Variants in LARP1B observed in about 807,000 individuals in gnomAD.
LARP1B encodes La ribonucleoprotein 1B.
Under a neutral mutation model 114.2 loss-of-function variants are expected in LARP1B, and 76 were observed. The observed-to-expected ratio is 0.67, with a 90% CI of 0.55 to 0.81. LARP1B has a LOEUF of 0.81. LARP1B is among the 30% of genes least tolerant of loss of function. The probability of loss-of-function intolerance (pLI) is 0.00; values close to 1 mark genes in which losing one functional copy is unlikely to be tolerated. For missense variants in LARP1B, 1,014 were observed against 1,075.8 expected (o/e 0.94, Z 0.80); for synonymous variants, 345 against 348.0 (o/e 0.99, Z 0.10).
chr4:128,113,781 C>CTTTTT (rs1156610852), intron 9 of LARP1B, among the ~76,000 whole-genome samples: 8 of 114,222 alleles, frequency 7.0e-5, no homozygotes, highest in East Asian at 2.6e-4. Flanking sequence ...GACATTTACT[C>CTTTTT]TTTTTTTTTT....
At chr4:128,071,870 C>G (rs1431969079) in intron 1 of LARP1B, among the ~76,000 whole-genome samples, 2 of 152,132 alleles carry the variant, frequency 1.3e-5, no homozygotes, top group East Asian at 3.8e-4. Context: ...GTGAAATAGG[C>G]TCTGCTGTGT....
At chr4:128,129,591 T>G (rs961282224) in intron 11 of LARP1B, among the ~76,000 whole-genome samples, 2 of 151,986 alleles carry the variant, frequency 1.3e-5, no homozygotes, top group African/African-American at 4.8e-5. Flanking sequence ...AATACAACAT[T>G]GAAAATTGGA....
intron 9 of LARP1B, among the ~76,000 whole-genome samples, chr4:128,112,263 T>A (rs866394410): frequency 5.9e-5 from 9 of 151,934 alleles, no homozygotes; most frequent in African/African-American, 2.2e-4. Context: ...AATTTTAATA[T>A]TTTAAATAGA....
intron 12 of LARP1B, among the ~76,000 whole-genome samples, chr4:128,174,738 G>A (rs189994111): frequency 3.9e-5 from 6 of 151,992 alleles, no homozygotes; most frequent in Non-Finnish European, 7.4e-5. Flanking sequence ...TATTCCTGGT[G>A]TTCTATATTG....
intron 11 of LARP1B, chr4:128,155,412 C>A: frequency 3.1e-6 from 2 of 640,892 alleles, no homozygotes; most frequent in Non-Finnish European, 5.6e-6. Flanking sequence ...TCAGGGAACC[C>A]GGCCCGAGCT....
In LARP1B at chr4:128,156,294, A is replaced by G. The variant is rs1047792982; in HGVS notation, c.1525-5900A>G. On this transcript the variant is annotated intron_variant, in intron 11 of 19. Coordinates refer to ENST00000326639, the MANE Select transcript of LARP1B (RefSeq NM_018078.4). ...GTCCAGCTGGCCTGGACAGTATCCC[A>G]TACCCAACTCCAGCAGCTGCTTCTC... 14 of 772,756 alleles carry G rather than the reference A, an allele frequency of 1.8e-5. No homozygotes were observed. The African/African-American group carries it at 2.4e-4, about 13-fold the overall frequency. The allele number at this position is 772,756 out of a possible 1,614,324, so 47.9% of individuals were successfully genotyped here. A position where few individuals can be genotyped will look rare whatever the true frequency, so the allele number is the denominator to read the frequency against.
rs1365285041 is a variant in LARP1B, at chr4:128,098,203, T to C, written c.686T>C (p.Val229Ala). The part of the protein sequence containing the change: ...IKRQIEYYFS[V>A]ENLERDFFLR... ...CTTTTCAGTGAATATTACTTCAGTG[T>C]AGAAAATTTGGAACGAGACTTCTTT... The change falls in exon 8 of 20, where the codon GTA becomes GCA. Residue 229 changes from valine to alanine, a missense_variant. Coordinates refer to ENST00000326639, the MANE Select transcript of LARP1B (RefSeq NM_018078.4). 1.2e-6 allele frequency: 2 copies of C among 1,610,468 alleles called. No homozygotes were observed. Among genetic ancestry groups the C allele is most frequent in the Admixed American group, 3.3e-5 (2 of 60,008 alleles).
chr4:128,217,900 G>A (rs1220061188), intron 6 of LARP1B, among the ~76,000 whole-genome samples: 7 of 144,486 alleles, frequency 4.8e-5, no homozygotes, highest in East Asian at 4.2e-4. Context: ...AAACCCCATC[G>A]TCTCAGCCCA....
In LARP1B at chr4:128,067,835, G is replaced by A. The variant is rs145348037; in HGVS notation, c.-78+6434G>A. 9.2e-4 allele frequency among the ~76,000 whole-genome samples: 139 copies of A among 151,830 alleles called. 3 individuals carry two copies. The highest frequency in any genetic ancestry group is 3.1e-3 in the African/African-American group (127 of 41,422). On this transcript the variant is annotated intron_variant, in intron 1 of 19. Coordinates refer to ENST00000326639, the MANE Select transcript of LARP1B (RefSeq NM_018078.4). ...AGCGATTCTTCTGCTTCAGCCTTCC[G>A]AGTAGCTAGGATTACAGGCGCTCGC...
At chr4:128,075,251 A>G (rs2149393338) in intron 3 of LARP1B, among the ~76,000 whole-genome samples, 1 of 151,874 alleles carries the variant, frequency 6.6e-6, no homozygotes. Flanking sequence ...ACAGGCACGC[A>G]CCACTGTGCA....
chr4:128,174,135 T>A (rs1744955151), intron 12 of LARP1B, among the ~76,000 whole-genome samples: 2 of 152,186 alleles, frequency 1.3e-5, no homozygotes. Context: ...ATGAGCATAC[T>A]ACATTTTTTT....
At chr4:128,115,400 A>G (rs1785458455) in intron 10 of LARP1B, among the ~76,000 whole-genome samples, 1 of 152,074 alleles carries the variant, frequency 6.6e-6, no homozygotes, top group Admixed American at 6.6e-5. Context: ...TGTCTCTACA[A>G]ATAATTCATA....
chr4:128,160,123 AGT>A (rs1201091684), intron 11 of LARP1B, among the ~76,000 whole-genome samples: 1 of 152,220 alleles, frequency 6.6e-6, no homozygotes, highest in Non-Finnish European at 1.5e-5. Context: ...GTAGCAATGA[AGT>A]AGTCATAGGC....
downstream of LARP1B, among the ~76,000 whole-genome samples, chr4:128,214,046 G>A (rs1377458301): frequency 2.7e-5 from 4 of 149,912 alleles, no homozygotes; most frequent in Admixed American, 1.3e-4. Flanking sequence ...GGTGACGGAC[G>A]CACCTGGAAA....
At chr4:128,087,249 A>G (rs1042585781) in intron 5 of LARP1B, among the ~76,000 whole-genome samples, 1 of 152,202 alleles carries the variant, frequency 6.6e-6, no homozygotes. Flanking sequence ...GGGATTGCTC[A>G]GATTTTCAGA....
At chr4:128,107,721 T>G (rs1213052115) in intron 9 of LARP1B, 1 of 1,460,852 alleles carries the variant, frequency 6.8e-7, no homozygotes, top group Non-Finnish European at 9.0e-7. Flanking sequence ...TTTAATCTTG[T>G]CTTGGAAAGA....
chr4:128,062,409 A>G (rs1022325049), intron 1 of LARP1B, among the ~76,000 whole-genome samples: 4 of 152,118 alleles, frequency 2.6e-5, no homozygotes, highest in Non-Finnish European at 5.9e-5. Context: ...GCATCTGGGA[A>G]GGGAGCGGCA....
intron 15 of LARP1B, among the ~76,000 whole-genome samples, chr4:128,187,310 A>G (rs538889698): frequency 7.9e-5 from 12 of 152,388 alleles, no homozygotes; most frequent in African/African-American, 1.7e-4. Flanking sequence ...GGAAAGCCAT[A>G]GGCATGGAGC....
chr4:128,119,957 G>T (rs926239564), intron 10 of LARP1B, among the ~76,000 whole-genome samples: 4 of 152,044 alleles, frequency 2.6e-5, no homozygotes, highest in Non-Finnish European at 5.9e-5. Context: ...TTAACAGTTT[G>T]TTTATTCTCT....
Sources: gnomAD v4.1 joint callset for allele counts (sites outside exome capture counted in the v4.1 genomes callset) on GRCh38, gnomAD v4.1.1 for gene constraint, MANE v1.5 for transcripts, NCBI Gene and HGNC (gene_info 2026-07-23, HGNC 2026-07-21) for gene names.